The following COL1A2 variants were observed in gnomAD, a reference collection of about 807,000 sequenced individuals.
COL1A2 encodes the protein collagen alpha-2(I) chain.
A neutral mutation model predicts 174.3 loss-of-function variants in COL1A2; 49 were observed. The observed-to-expected ratio is 0.28, with a 90% confidence interval of 0.22 to 0.36. The LOEUF is 0.36. Ranked by LOEUF, COL1A2 falls within the 10% of genes least tolerant of loss-of-function variation. COL1A2 has a pLI of 1.00. For missense variants in COL1A2, 1,438 were observed against 1,822.7 expected (o/e 0.79, Z 3.84); for synonymous variants, 655 against 606.6 (o/e 1.08, Z -1.17).
chr7:94,403,109 G>A (rs1277030248), intron 6 of COL1A2, among the ~76,000 whole-genome samples: 2 of 152,074 alleles, frequency 1.3e-5, no homozygotes, highest in East Asian at 1.9e-4. Context: ...AAGAAGCAAG[G>A]GGGCGGAAAG....
At chr7:94,408,106 C>T in intron 13 of COL1A2, 77 bp from the exon 14 acceptor site, 1 of 1,498,426 alleles carries the variant, frequency 6.7e-7, no homozygotes, top group Non-Finnish European at 9.2e-7. Context: ...AGGTTGGAAA[C>T]TGAACAAAGC....
intron 41 of COL1A2, chr7:94,424,903 C>A: frequency 3.4e-6 from 2 of 589,874 alleles, no homozygotes; most frequent in Non-Finnish European, 6.1e-6. Context: ...TTTTACAGAG[C>A]AACATCCCGT....
At chr7:94,403,128 T>TACTAAATGTCATTTTTAAAAAGCCC (rs1270944372) in intron 6 of COL1A2, among the ~76,000 whole-genome samples, 2 of 152,178 alleles carry the variant, frequency 1.3e-5, no homozygotes, top group Non-Finnish European at 2.9e-5. Context: ...AGTAAAGAGC[T>TACTAAATGTCATTTTTAAAAAGCCC]ACTAAATGTC....
rs1033833475 is a variant in COL1A2, at chr7:94,416,512, T to G, written c.1863+9T>G. 3 of 1,555,266 alleles carry G rather than the reference T, an allele frequency of 1.9e-6. No individual in the cohort carries two copies. The African/African-American group carries it at 4.1e-5, about 21-fold the overall frequency. ...GGCCTGATGGAAACAAGGTAAAATC[T>G]TATGTTTTCTATATTGCTGGTTTGG... On this transcript the variant is annotated intron_variant, in intron 31 of 51. Coordinates refer to ENST00000297268, the MANE Select transcript of COL1A2 (RefSeq NM_000089.4).
intron 9 of COL1A2, 60 bp from the exon 10 acceptor site, chr7:94,405,139 C>T: frequency 1.3e-6 from 2 of 1,557,840 alleles, no homozygotes; most frequent in Admixed American, 1.7e-5. Context: ...ACCAAGATTC[C>T]CCCATTTTGT....
In COL1A2 at chr7:94,427,855, T is replaced by G; in HGVS notation, c.3496T>G (p.Leu1166Val). The G allele has an allele frequency of 6.2e-7, 1 of 1,614,172 alleles. No homozygotes were observed. The highest frequency in any genetic ancestry group is 8.5e-7 in the Non-Finnish European group (1 of 1,180,032). Residue 1166 changes from leucine (L) to valine (V), a missense_variant, in exon 49 of 52, where the codon TTG becomes GTG. Transcript: ENST00000297268. Reference protein sequence around the residue: ...RKNPARTCRDLRLSHPEWSSG... With the variant: ...RKNPARTCRDVRLSHPEWSSG... ...GAACCCAGCTCGCACATGCCGTGAC[T>G]TGAGACTCAGCCACCCAGAGTGGAG...
chr7:94,421,085 C>A, intron 38 of COL1A2, 23 bp downstream of exon 38: 1 of 1,613,188 alleles, frequency 6.2e-7, no homozygotes, highest in Non-Finnish European at 8.5e-7. Flanking sequence ...AATGGACTCT[C>A]GCCGCTTTTC....
Position 94,418,514 on chromosome 7 carries a change from A to G in COL1A2, c.1987A>G (p.Arg663Gly), listed in dbSNP as rs1792088525. 2.5e-6 allele frequency: 4 copies of G among 1,614,002 alleles called. No individual in the cohort carries two copies. Among genetic ancestry groups the G allele is most frequent in the Non-Finnish European group, 3.4e-6 (4 of 1,179,928 alleles). The change falls in exon 33 of 52, where the codon AGA becomes GGA. Residue 663 changes from arginine to glycine, a missense_variant. Coordinates refer to ENST00000297268, the MANE Select transcript of COL1A2 (RefSeq NM_000089.4). ...GKGEKGEPGL[R>G]GEIGNPGRDG... ...ATACTTTCAGGGTGAACCTGGTCTC[A>G]GAGGTGAAATTGGTAACCCTGGCAG...
chr7:94,428,540 A>G (rs766476746), intron 50 of COL1A2, 63 bp downstream of exon 50: 2 of 1,440,448 alleles, frequency 1.4e-6, no homozygotes, highest in Non-Finnish European at 9.6e-7. Context: ...CTGTTTGTTA[A>G]TTATCTGCAT....
intron 39 of COL1A2, among the ~76,000 whole-genome samples, chr7:94,422,231 A>C (rs898071256): frequency 2.0e-5 from 3 of 151,494 alleles, no homozygotes; most frequent in African/African-American, 7.3e-5. Flanking sequence ...AGTTTTAGCC[A>C]CATATCAGAT....
rs1185360409 is a variant in COL1A2 at position 94,419,656 on chromosome 7, T to C, written c.2079+105T>C. ...CATTTTTATGGCTTGGTATAAAGCC[T>C]ACTTATTTAAAAACCTAGCTATTGT... is the stretch of plus-strand genomic sequence containing the variant. On this transcript the variant is annotated intron_variant, in intron 34 of 51. Transcript: ENST00000297268. 5 of 1,253,312 alleles carry C rather than the reference T, an allele frequency of 4.0e-6. No individual in the cohort carries two copies. In the African/African-American group the frequency reaches 5.9e-5, roughly 15 times the overall value. The allele number at this position is 1,253,312 out of a possible 1,614,324, so 77.6% of individuals were successfully genotyped here.
Position 94,404,728 on chromosome 7 carries a change from T to C in COL1A2, c.360T>C (p.Pro120=). The C allele has an allele frequency of 1.9e-6, 3 of 1,614,190 alleles. No homozygotes were observed. The highest frequency in any genetic ancestry group is 1.1e-5 in the South Asian group (1 of 91,080). The part of the protein sequence containing the change: ...PQGFQGPAGE[P]GEPGQTGPAG... Reference sequence around the variant, plus strand: ...GTTTCCAAGGACCTGCTGGTGAGCCTGGTGAACCTGGTCAAACTGTGAGTA... The same window carrying C: ...GTTTCCAAGGACCTGCTGGTGAGCCCGGTGAACCTGGTCAAACTGTGAGTA... The change falls in exon 8 of 52, where the codon CCT becomes CCC. Residue 120 remains proline, a synonymous_variant. Transcript: ENST00000297268.
chr7:94,408,093 T>C, intron 13 of COL1A2, 90 bp from the exon 14 acceptor site: 1 of 1,398,106 alleles, frequency 7.2e-7, no homozygotes, highest in Non-Finnish European at 1.0e-6. Flanking sequence ...TGTATTCTTG[T>C]ACAGGTTGGA....
intron 50 of COL1A2, among the ~76,000 whole-genome samples, chr7:94,428,790 G>A (rs905191119): frequency 6.6e-6 from 1 of 152,176 alleles, no homozygotes; most frequent in South Asian, 2.1e-4. Context: ...CAGAATGTGA[G>A]CAGCTTTTCT....
At chr7:94,417,371 T>A (rs1792063566) in intron 31 of COL1A2, 1 of 323,284 alleles carries the variant, frequency 3.1e-6, no homozygotes, top group Non-Finnish European at 6.0e-6. Context: ...ATGCTTTCTA[T>A]CTGGGCTAAG....
intron 46 of COL1A2, 26 bp from the exon 47 acceptor site, chr7:94,426,982 G>A (rs1291637129): frequency 1.2e-6 from 2 of 1,610,216 alleles, no homozygotes; most frequent in East Asian, 2.2e-5. Context: ...CTCTGAAAGT[G>A]TGATTTTCCT....
At chr7:94,399,612 A>G (rs4729132) in intron 4 of COL1A2, among the ~76,000 whole-genome samples, 48,677 of 152,124 alleles carry the variant, frequency 0.32, 8,766 homozygotes, top group South Asian at 0.44. Flanking sequence ...TTGCCAATAT[A>G]TGAATACCTA....
intron 51 of COL1A2, 39 bp from the exon 52 acceptor site, chr7:94,430,208 A>G: frequency 6.3e-7 from 1 of 1,593,086 alleles, no homozygotes; most frequent in Non-Finnish European, 8.6e-7. Flanking sequence ...ATTCAGAAAT[A>G]GTGATGCTTT....
rs370073620 is a variant in COL1A2, at chr7:94,425,733, C to T, written c.2836-17C>T. 1.8e-4 allele frequency: 290 copies of T among 1,613,870 alleles called. 1 individual carries two copies. The highest frequency in any genetic ancestry group is 5.0e-4 in the Admixed American group (30 of 59,992). ...TGCAACCCAGATTGATGCTAAGCTTCATTTTGCCTTTGGTAGGGAGAGCGC... is the reference window on the plus strand; with the variant it reads ...TGCAACCCAGATTGATGCTAAGCTTTATTTTGCCTTTGGTAGGGAGAGCGC... On this transcript the variant is annotated splice_polypyrimidine_tract_variant and intron_variant, in intron 43 of 51. Transcript: ENST00000297268.
Sources: allele counts gnomAD v4.1 joint callset (sites outside exome capture counted in the v4.1 genomes callset), GRCh38; gene constraint gnomAD v4.1.1; transcripts MANE v1.5; gene names NCBI Gene and HGNC (gene_info 2026-07-23, HGNC 2026-07-21).